Variants in KHDRBS2 observed in about 807,000 individuals in gnomAD.
The protein encoded by KHDRBS2 is KH RNA binding domain containing, signal transduction associated 2, also known as KH domain-containing, RNA-binding, signal transduction-associated protein 2.
Under a neutral mutation model 44.3 loss-of-function variants are expected in KHDRBS2, and 26 were observed. That is an observed-to-expected ratio of 0.59 (90% CI 0.43 to 0.81). The LOEUF is 0.81. Among genes scored for constraint, KHDRBS2 ranks in the 40% least tolerant of loss-of-function variants. KHDRBS2 has a pLI of 0.00. For missense variants in KHDRBS2, 476 were observed against 433.1 expected (o/e 1.10, Z -0.88); for synonymous variants, 194 against 151.1 (o/e 1.28, Z -2.08).
chr6:62,076,374 T>C (rs551701027), intron 2 of KHDRBS2, among the ~76,000 whole-genome samples: 86 of 151,978 alleles, frequency 5.7e-4, no homozygotes, highest in Non-Finnish European at 1.1e-3. Context: ...TGATAATAAG[T>C]GCTAAAAGAA....
chr6:61,727,394 C>CA (rs1263617778), intron 7 of KHDRBS2, among the ~76,000 whole-genome samples: 1 of 152,106 alleles, frequency 6.6e-6, no homozygotes, highest in Non-Finnish European at 1.5e-5. Context: ...CTGAAAATGC[C>CA]AAAAGCAATT....
intron 1 of KHDRBS2, among the ~76,000 whole-genome samples, chr6:62,212,112 A>T (rs544906996): frequency 9.2e-5 from 14 of 152,306 alleles, no homozygotes; most frequent in African/African-American, 3.1e-4. Context: ...GTGAGAACAA[A>T]TAACTCTAAA....
At chr6:62,284,340 G>A (rs1842186176) in intron 1 of KHDRBS2, among the ~76,000 whole-genome samples, 2 of 151,916 alleles carry the variant, frequency 1.3e-5, no homozygotes, top group Admixed American at 6.6e-5. Flanking sequence ...CATATTATAA[G>A]CTACATAAAG....
At chr6:61,581,635 T>C in the KHDRBS2 span, among the ~76,000 whole-genome samples, 5 of 148,316 alleles carry the variant, frequency 3.4e-5, no homozygotes, top group Non-Finnish European at 5.9e-5. Flanking sequence ...ATACATTATA[T>C]TTAAATATAG....
the KHDRBS2 span, among the ~76,000 whole-genome samples, chr6:61,563,526 C>G: frequency 6.6e-6 from 1 of 152,148 alleles, no homozygotes; most frequent in Non-Finnish European, 1.5e-5. Flanking sequence ...GACCTTTACT[C>G]TACTAATGGT....
intron 1 of KHDRBS2, among the ~76,000 whole-genome samples, chr6:62,192,598 T>C (rs1178227760): frequency 6.6e-6 from 1 of 152,154 alleles, no homozygotes; most frequent in Non-Finnish European, 1.5e-5. Flanking sequence ...ATTCCTTGTG[T>C]TTAAAACTCA....
At chr6:61,600,786 G>A in the KHDRBS2 span, among the ~76,000 whole-genome samples, 2 of 152,054 alleles carry the variant, frequency 1.3e-5, no homozygotes, top group Non-Finnish European at 2.9e-5. Context: ...TAGGATAAGT[G>A]GCCTCTCTTT....
chr6:61,874,845 C>G lies in KHDRBS2; in HGVS notation c.810+19790G>C, dbSNP rs1799187640. ...AAAGTCCTCCTGGTATTTCTTAAAA[C>G]TGTCCAGCTCCTGGCAGGGATTCCA... On this transcript the variant is annotated intron_variant, in intron 6 of 8. Coordinates refer to ENST00000281156, the MANE Select transcript of KHDRBS2 (RefSeq NM_152688.4). Among the ~76,000 whole-genome samples the G allele has an allele frequency of 2.0e-5, 3 of 152,152 alleles. No individual in the cohort carries two copies. The South Asian group carries it at 6.2e-4, about 31-fold the overall frequency.
chr6:62,081,167 T>C (rs1209902022), intron 2 of KHDRBS2, among the ~76,000 whole-genome samples: 1 of 152,160 alleles, frequency 6.6e-6, no homozygotes, highest in Non-Finnish European at 1.5e-5. Flanking sequence ...ACAATTAAGA[T>C]ACCTTAAAAA....
chr6:61,795,611 C>A (rs1334295113), intron 6 of KHDRBS2, among the ~76,000 whole-genome samples: 1 of 152,106 alleles, frequency 6.6e-6, no homozygotes, highest in Non-Finnish European at 1.5e-5. Context: ...AGTTTTATTT[C>A]TCTTCCTTTA....
chr6:61,667,671 CTAGCA>C, the KHDRBS2 span, among the ~76,000 whole-genome samples: 2 of 141,512 alleles, frequency 1.4e-5, no homozygotes, highest in African/African-American at 6.2e-5. Context: ...TATGTGACAG[CTAGCA>C]ATATATTTAG....
chr6:62,084,104 G>T (rs1253298072), intron 2 of KHDRBS2, among the ~76,000 whole-genome samples: 1 of 152,090 alleles, frequency 6.6e-6, no homozygotes, highest in East Asian at 1.9e-4. Context: ...ATAGTCCTGT[G>T]AGGTATAATC....
chr6:62,140,545 T>C (rs565679331), intron 2 of KHDRBS2, among the ~76,000 whole-genome samples: 2 of 152,326 alleles, frequency 1.3e-5, no homozygotes, highest in East Asian at 3.9e-4. Flanking sequence ...AATCCATTAA[T>C]GAGTCTCAAA....
chr6:61,892,586 G>T (rs1802080362), intron 6 of KHDRBS2, among the ~76,000 whole-genome samples: 1 of 152,206 alleles, frequency 6.6e-6, no homozygotes, highest in African/African-American at 2.4e-5. Flanking sequence ...AGAGTCCTAA[G>T]AAATAATGCC....
At chr6:62,078,693 A>T (rs1427457862) in intron 2 of KHDRBS2, among the ~76,000 whole-genome samples, 1 of 152,026 alleles carries the variant, frequency 6.6e-6, no homozygotes, top group Non-Finnish European at 1.5e-5. Flanking sequence ...ATGAAATGTA[A>T]TAATTATTCT....
the KHDRBS2 span, among the ~76,000 whole-genome samples, chr6:61,668,186 A>G: frequency 6.6e-6 from 1 of 151,076 alleles, no homozygotes; most frequent in African/African-American, 2.4e-5. Flanking sequence ...TGTCTCTCAA[A>G]CATCAATATA....
At chr6:61,582,276 T>A in the KHDRBS2 span, among the ~76,000 whole-genome samples, 1 of 151,508 alleles carries the variant, frequency 6.6e-6, no homozygotes, top group South Asian at 2.1e-4. Flanking sequence ...CAATGAAAAA[T>A]AATTTTGCTT....
the KHDRBS2 span, among the ~76,000 whole-genome samples, chr6:61,673,694 A>T: frequency 2.9e-5 from 4 of 139,200 alleles, no homozygotes; most frequent in East Asian, 8.2e-4. Flanking sequence ...AGAGAATAAA[A>T]TACCTAGGAA....
the KHDRBS2 span, among the ~76,000 whole-genome samples, chr6:61,561,800 C>T: frequency 3.3e-5 from 5 of 152,122 alleles, no homozygotes; most frequent in African/African-American, 1.2e-4. Context: ...AGTTTTGAGT[C>T]AGTCTACCAA....
Sources: allele counts gnomAD v4.1 joint callset (sites outside exome capture counted in the v4.1 genomes callset), GRCh38; gene constraint gnomAD v4.1.1; transcripts MANE v1.5; gene names NCBI Gene and HGNC (gene_info 2026-07-23, HGNC 2026-07-21).